The following PLB1 variants were observed in gnomAD, a reference collection of about 807,000 sequenced individuals.
PLB1 encodes phospholipase B1.
Under a neutral mutation model 227.4 loss-of-function variants are expected in PLB1, and 242 were observed. The observed-to-expected ratio is 1.06, with a 90% CI of 0.96 to 1.18. The LOEUF is 1.18. PLB1 is among the 50% of genes most tolerant of loss of function. The probability of loss-of-function intolerance (pLI) is 0.00; values close to 1 mark genes in which losing one functional copy is unlikely to be tolerated. For synonymous variants in PLB1, 757 were observed against 682.2 expected (o/e 1.11, Z -1.71); for missense variants, 1,858 against 1,816.3 (o/e 1.02, Z -0.42).
chr2:28,547,486 C>T (rs1673476706), intron 14 of PLB1, among the ~76,000 whole-genome samples: 1 of 152,190 alleles, frequency 6.6e-6, no homozygotes, highest in Admixed American at 6.5e-5. Flanking sequence ...GCTGAAGAGC[C>T]AATTCCACTA....
intron 1 of PLB1, among the ~76,000 whole-genome samples, chr2:28,516,402 A>G (rs1668855647): frequency 6.6e-6 from 1 of 152,134 alleles, no homozygotes; most frequent in African/African-American, 2.4e-5. Flanking sequence ...CCTTCAAACT[A>G]TTTTATAATG....
chr2:28,628,755 G>A, intron 52 of PLB1, 127 bp downstream of exon 52: 1 of 926,648 alleles, frequency 1.1e-6, no homozygotes, highest in Non-Finnish European at 1.7e-6. Flanking sequence ...GGATGGCAGG[G>A]AGGGAGGTGG....
intron 1 of PLB1, among the ~76,000 whole-genome samples, chr2:28,515,143 C>G (rs1668696352): frequency 6.6e-6 from 1 of 152,206 alleles, no homozygotes; most frequent in Non-Finnish European, 1.5e-5. Flanking sequence ...TGTTGGCTAC[C>G]ATTTACATTT....
At chr2:28,533,276 A>G (rs1165016958) in intron 9 of PLB1, among the ~76,000 whole-genome samples, 2 of 152,170 alleles carry the variant, frequency 1.3e-5, no homozygotes, top group Non-Finnish European at 2.9e-5. Flanking sequence ...ACTAGCTCTC[A>G]TTGGCCAATA....
At chr2:28,563,530 T>G (rs1375349590) in intron 18 of PLB1, among the ~76,000 whole-genome samples, 2 of 130,882 alleles carry the variant, frequency 1.5e-5, no homozygotes, top group East Asian at 2.2e-4. Flanking sequence ...GGAAGAGAGG[T>G]GAAGAGATGA....
intron 21 of PLB1, among the ~76,000 whole-genome samples, chr2:28,577,809 C>T (rs1411093564): frequency 6.6e-6 from 1 of 152,224 alleles, no homozygotes; most frequent in Non-Finnish European, 1.5e-5. Context: ...CGCTGCACTT[C>T]AGCCTGGGTG....
chr2:28,600,744 C>T (rs940913414), intron 35 of PLB1, 65 bp from the exon 36 acceptor site: 1 of 1,503,746 alleles, frequency 6.7e-7, no homozygotes, highest in Non-Finnish European at 9.2e-7. Flanking sequence ...CTGGTTCAGG[C>T]CCTCTAGGAG....
chr2:28,535,082 G>A (rs1239951946), intron 9 of PLB1, among the ~76,000 whole-genome samples: 1 of 152,104 alleles, frequency 6.6e-6, no homozygotes, highest in Non-Finnish European at 1.5e-5. Context: ...TTGTCAACAT[G>A]AGAAATTCCT....
chr2:28,594,333 T>G (rs1221941814), intron 33 of PLB1: 1 of 220,752 alleles, frequency 4.5e-6, no homozygotes, highest in Non-Finnish European at 9.4e-6. Flanking sequence ...GCTCAGGGTG[T>G]GTCAGGCGAG....
chr2:28,635,983 TTGTGTATG>T (rs1475390327), intron 56 of PLB1, among the ~76,000 whole-genome samples: 2 of 151,790 alleles, frequency 1.3e-5, no homozygotes, highest in African/African-American at 2.4e-5. Context: ...TTCAGGGACA[TTGTGTATG>T]TGTGTATGTA....
chr2:28,585,827 C>T lies in PLB1; in HGVS notation c.1800C>T (p.Phe600=), dbSNP rs1680814817. Residue 600 remains phenylalanine, a synonymous_variant, in exon 26 of 58, where the codon TTC becomes TTT. Coordinates refer to ENST00000327757, the MANE Select transcript of PLB1 (RefSeq NM_153021.5). The part of the protein sequence containing the change: ...NSTELATLIE[F]NKKFQEKTHQ... ...CAGAACTTGCTACCCTCATCGAATT[C>T]AACAAGAAGTTTCAGGTAAGCCGGG... 1 of 1,608,430 alleles carries T rather than the reference C, an allele frequency of 6.2e-7. No individual in the cohort carries two copies. The highest frequency in any genetic ancestry group is 8.5e-7 in the Non-Finnish European group (1 of 1,174,886).
Position 28,618,429 on chromosome 2 carries a change from C to T in PLB1, c.3315+30C>T, listed in dbSNP as rs1179075199. 5.0e-6 allele frequency: 8 copies of T among 1,607,396 alleles called. No homozygotes were observed. In the African/African-American group the frequency reaches 6.7e-5, roughly 13 times the overall value. ...GTAGTGAGCCATGAACCAGGATGGG[C>T]AGCTCAGAGTCCAGCCAGGCCCTGC... On this transcript the variant is annotated intron_variant, in intron 46 of 57. Coordinates refer to ENST00000327757, the MANE Select transcript of PLB1 (RefSeq NM_153021.5).
At chr2:28,585,125 A>G (rs760971854) in intron 25 of PLB1, among the ~76,000 whole-genome samples, 24 of 152,140 alleles carry the variant, frequency 1.6e-4, no homozygotes, top group Non-Finnish European at 1.9e-4. Flanking sequence ...TATCTTAGCA[A>G]TTATTATTGT....
At chr2:28,626,879 A>G (rs1288336268) in intron 51 of PLB1, among the ~76,000 whole-genome samples, 2 of 152,006 alleles carry the variant, frequency 1.3e-5, no homozygotes, top group African/African-American at 2.4e-5. Context: ...GGGCAAAACA[A>G]TGTTCTAAAT....
chr2:28,624,054 C>T (rs1200153147), intron 49 of PLB1, among the ~76,000 whole-genome samples: 2 of 152,184 alleles, frequency 1.3e-5, no homozygotes. Flanking sequence ...GCCGTGATCA[C>T]ACCACTACAC....
chr2:28,496,232 T>C (rs1251481037), intron 1 of PLB1, 63 bp downstream of exon 1: 2 of 1,489,248 alleles, frequency 1.3e-6, no homozygotes, highest in East Asian at 2.3e-5. Context: ...CCCATGTTGC[T>C]TAGGCAATGG....
rs78168838 is a variant in PLB1 at position 28,532,176 on chromosome 2, G to T, written c.537G>T (p.Leu179=). ...TCAGTAATGCAAGCCAGTGTTACCTGTGCCCCTCTGCTCAACAGGTAAATG... is the reference window on the plus strand; with the variant it reads ...TCAGTAATGCAAGCCAGTGTTACCTTTGCCCCTCTGCTCAACAGGTAAATG... ...VFFSNASQCY[L]CPSAQQNGLA... Residue 179 remains leucine (L), a synonymous_variant, in exon 9 of 58, where the codon CTG becomes CTT. Transcript: ENST00000327757. 5.0e-6 allele frequency: 8 copies of T among 1,612,444 alleles called. No homozygotes were observed. Among genetic ancestry groups the T allele is most frequent in the Non-Finnish European group, 6.8e-6 (8 of 1,179,224 alleles).
intron 51 of PLB1, among the ~76,000 whole-genome samples, chr2:28,627,021 T>G (rs1233711529): frequency 1.3e-5 from 2 of 152,124 alleles, no homozygotes; most frequent in Admixed American, 6.5e-5. Context: ...TTCCAAAAGT[T>G]TTTATTTTGG....
rs1452767359 is a variant in PLB1 at position 28,499,840 on chromosome 2, G to A, written c.55+3671G>A. Among the ~76,000 whole-genome samples the A allele has an allele frequency of 1.3e-5, 2 of 152,150 alleles. 1 individual carries two copies. The highest frequency in any genetic ancestry group is 1.3e-4 in the Admixed American group (2 of 15,290). On this transcript the variant is annotated intron_variant, in intron 1 of 57. Coordinates refer to ENST00000327757, the MANE Select transcript of PLB1 (RefSeq NM_153021.5). The stretch of plus-strand genomic sequence containing the variant: ...GTGGAGGTTGTAGTAAGCCGAGATT[G>A]CACCACCGTACTCCAGCCTGAGTGA...
Sources: gnomAD v4.1 joint callset for allele counts (sites outside exome capture counted in the v4.1 genomes callset) on GRCh38, gnomAD v4.1.1 for gene constraint, MANE v1.5 for transcripts, NCBI Gene and HGNC (gene_info 2026-07-23, HGNC 2026-07-21) for gene names.